TCTN3: variants seen among roughly 807,000 people sequenced by gnomAD.
TCTN3 encodes tectonic-3.
TCTN3 carries 57 observed loss-of-function variants against 71.3 expected under a neutral mutation model. That is an observed-to-expected ratio of 0.80 (90% CI 0.65 to 1.00). TCTN3 has a LOEUF of 1.00. TCTN3 is among the 50% of genes least tolerant of loss of function. TCTN3 has a pLI of 0.00. For missense variants in TCTN3, 696 were observed against 719.9 expected (o/e 0.97, Z 0.38); for synonymous variants, 258 against 267.8 (o/e 0.96, Z 0.36).
chr10:95,685,631 C>G lies in TCTN3; in HGVS notation c.894G>C (p.Gln298His), dbSNP rs1464905299. ...SMTDPQNMEF[Q>H]VPVILTSQAN... ...CCTGTGAGGTAAGTATTACAGGAAC[C>G]TGGAACTAGCAACGAAAAGAAGCAA... The change falls in exon 8 of 14, where the codon CAG becomes CAC. Residue 298 changes from glutamine to histidine, a missense_variant. Transcript: ENST00000371217. 9 of 1,551,026 alleles carry G rather than the reference C, an allele frequency of 5.8e-6. No individual in the cohort carries two copies. The East Asian group carries it at 2.0e-4, about 34-fold the overall frequency.
At chr10:95,669,516 G>A (rs887254225) in intron 13 of TCTN3, among the ~76,000 whole-genome samples, 3 of 152,116 alleles carry the variant, frequency 2.0e-5, no homozygotes, top group Non-Finnish European at 4.4e-5. Context: ...CCAAGTTCAG[G>A]CCTTCAGTAT....
chr10:95,679,741 G>C (rs1035897624), intron 13 of TCTN3, among the ~76,000 whole-genome samples: 1 of 151,292 alleles, frequency 6.6e-6, no homozygotes. Context: ...ACAGGCGCCC[G>C]CCACTACGCC....
intron 10 of TCTN3, 88 bp downstream of exon 10, chr10:95,683,434 C>T: frequency 6.2e-7 from 1 of 1,604,738 alleles, no homozygotes; most frequent in Non-Finnish European, 8.5e-7. Context: ...AAAAATTCCT[C>T]ACCTTTGGCT....
At chr10:95,669,318 G>A (rs2097928574) in intron 13 of TCTN3, among the ~76,000 whole-genome samples, 1 of 152,142 alleles carries the variant, frequency 6.6e-6, no homozygotes, top group Admixed American at 6.5e-5. Context: ...ACAAAGAAAT[G>A]ACAAATGTTC....
chr10:95,693,796 G>A lies in TCTN3; in HGVS notation c.104C>T (p.Ser35Phe), dbSNP rs1762568214. 6.4e-7 allele frequency: 1 copy of A among 1,551,700 alleles called. No individual in the cohort carries two copies. The highest frequency in any genetic ancestry group is 2.4e-5 in the East Asian group (1 of 40,918). The change falls in exon 1 of 14, where the codon TCT becomes TTT. Residue 35 changes from serine to phenylalanine, a missense_variant. Ser to Phe is a radical substitution (Grantham distance 155). Coordinates refer to ENST00000371217, the MANE Select transcript of TCTN3 (RefSeq NM_015631.6). ...SSSPSGAVPT[S>F]LELQRGTDGG... ...ATCCGTCCCTCGCTGCAGCTCCAAA[G>A]ACGTGGGCACTGCCCCTGATGGGGA... is the stretch of plus-strand genomic sequence containing the variant.
At chr10:95,676,724 C>T (rs1644386195) in intron 13 of TCTN3, among the ~76,000 whole-genome samples, 1 of 152,056 alleles carries the variant, frequency 6.6e-6, no homozygotes, top group Admixed American at 6.6e-5. Context: ...TCTGTTTTGC[C>T]TCAAAACTTC....
At chr10:95,667,574 C>G (rs1461939592) in intron 13 of TCTN3, among the ~76,000 whole-genome samples, 1 of 152,094 alleles carries the variant, frequency 6.6e-6, no homozygotes, top group Non-Finnish European at 1.5e-5. Flanking sequence ...TTCCTTCTCC[C>G]CCTCAACAAG....
chr10:95,664,137 T>A lies in TCTN3; in HGVS notation c.1754A>T (p.Lys585Ile), dbSNP rs2097923922. The change falls in exon 14 of 14, where the codon AAA becomes ATA. Residue 585 changes from lysine to isoleucine, a missense_variant. By Grantham distance (102) the Lys-to-Ile change is moderately radical. Coordinates refer to ENST00000371217, the MANE Select transcript of TCTN3 (RefSeq NM_015631.6). ...VAFSRGVFSQ[K>I]CSVSPILILC... ...GATAAGGATGGGAGAGACTGAGCAT[T>A]TTTGAGAGAATACTCCTCTGCTGAA... The A allele has an allele frequency of 6.2e-7, 1 of 1,614,124 alleles. No homozygotes were observed. The highest frequency in any genetic ancestry group is 1.3e-5 in the African/African-American group (1 of 75,006).
In TCTN3 at chr10:95,682,682, G is replaced by T. The variant is rs1190331074; in HGVS notation, c.1421C>A (p.Thr474Asn). 7 of 1,613,810 alleles carry T rather than the reference G, an allele frequency of 4.3e-6. No individual in the cohort carries two copies. Among genetic ancestry groups the T allele is most frequent in the Non-Finnish European group, 5.9e-6 (7 of 1,179,946 alleles). Residue 474 changes from threonine (T) to asparagine (N), a missense_variant, in exon 12 of 14, where the codon ACC (threonine) becomes AAC (asparagine). Transcript: ENST00000371217. ...GCTGCAGTGCCTGTTGAGGATCCTG[G>T]TCCACCCTCCTTTCTGGGCTGGGTC... ...NADPAQKGGW[T>N]RILNRHCSIS...
At chr10:95,685,214 G>A (rs560171526) in intron 8 of TCTN3, among the ~76,000 whole-genome samples, 4 of 152,284 alleles carry the variant, frequency 2.6e-5, no homozygotes, top group Non-Finnish European at 5.9e-5. Flanking sequence ...ACTGCAAGTG[G>A]GCAACAGAAG....
intron 13 of TCTN3, among the ~76,000 whole-genome samples, chr10:95,666,223 G>A (rs972396099): frequency 6.6e-6 from 1 of 150,420 alleles, no homozygotes; most frequent in Non-Finnish European, 1.5e-5. Flanking sequence ...TTACAGGTGT[G>A]AGCCACCATG....
chr10:95,691,306 C>T (rs933180135), intron 3 of TCTN3, among the ~76,000 whole-genome samples: 4 of 152,118 alleles, frequency 2.6e-5, no homozygotes, highest in Non-Finnish European at 4.4e-5. Flanking sequence ...GTGCCCACTA[C>T]CATGCCTGGA....
chr10:95,685,139 C>T (rs998168663), intron 8 of TCTN3, among the ~76,000 whole-genome samples: 1 of 152,166 alleles, frequency 6.6e-6, no homozygotes, highest in Non-Finnish European at 1.5e-5. Context: ...TAATCTACTT[C>T]AGAGTTTCAG....
chr10:95,687,042 A>G lies in TCTN3; in HGVS notation c.852+2T>C, dbSNP rs2097948976. 1 of 1,609,180 alleles carries G rather than the reference A, an allele frequency of 6.2e-7. No homozygotes were observed. The highest frequency in any genetic ancestry group is 1.3e-5 in the African/African-American group (1 of 74,768). ...CAGTGTAGGGAGAGAAAGGACACCT[A>G]CCTTTAAGACTGTGAAGTTATAGTA... On this transcript the variant is annotated splice_donor_variant, in intron 6 of 13. Coordinates refer to ENST00000371217, the MANE Select transcript of TCTN3 (RefSeq NM_015631.6). LOFTEE classifies it high-confidence loss of function.
At chr10:95,683,494 A>T (rs745747373) in intron 10 of TCTN3, 28 bp downstream of exon 10, 1 of 1,614,194 alleles carries the variant, frequency 6.2e-7, no homozygotes, top group South Asian at 1.1e-5. Context: ...TTAGGCTGCA[A>T]CAGGCCACCC....
intron 13 of TCTN3, among the ~76,000 whole-genome samples, chr10:95,673,975 G>A (rs1464795267): frequency 6.6e-6 from 1 of 152,168 alleles, no homozygotes; most frequent in East Asian, 1.9e-4. Flanking sequence ...CTCTGTCTGA[G>A]ATTTAGAGTA....
At chr10:95,685,392 T>C (rs1301486486) in intron 8 of TCTN3, among the ~76,000 whole-genome samples, 164 bp downstream of exon 8, 3 of 152,218 alleles carry the variant, frequency 2.0e-5, no homozygotes, top group East Asian at 1.9e-4. Flanking sequence ...TTACCAAGGA[T>C]TGCAACCAAG....
chr10:95,687,574 C>T lies in TCTN3; in HGVS notation c.627+18G>A, dbSNP rs763302632. On this transcript the variant is annotated intron_variant, in intron 4 of 13. Coordinates refer to ENST00000371217, the MANE Select transcript of TCTN3 (RefSeq NM_015631.6). ...TAAAAACTAAACCAAACAATCCCAT[C>T]CCCTTCCCCAGGCTCACCCTGTAAA... The T allele has an allele frequency of 3.5e-5, 57 of 1,610,932 alleles. No individual in the cohort carries two copies. Among genetic ancestry groups the T allele is most frequent in the Non-Finnish European group, 4.5e-5 (53 of 1,179,148 alleles).
chr10:95,683,020 A>G, intron 11 of TCTN3, 81 bp downstream of exon 11: 1 of 1,408,376 alleles, frequency 7.1e-7, no homozygotes, highest in East Asian at 2.3e-5. Context: ...AACTGTCATT[A>G]AAAATATAAA....
Sources: allele counts gnomAD v4.1 joint callset (sites outside exome capture counted in the v4.1 genomes callset), GRCh38; gene constraint gnomAD v4.1.1; transcripts MANE v1.5; gene names NCBI Gene and HGNC (gene_info 2026-07-23, HGNC 2026-07-21).